Variants in MAP2K4 observed in about 807,000 individuals in gnomAD.
MAP2K4 encodes mitogen-activated protein kinase kinase 4, also known as dual specificity mitogen-activated protein kinase kinase 4.
MAP2K4 carries 4 observed loss-of-function variants against 48.5 expected under a neutral mutation model. The observed-to-expected ratio is 0.08, with a 90% CI of 0.04 to 0.19. The LOEUF (loss-of-function observed/expected upper bound fraction) is 0.19. MAP2K4 is among the 10% of genes least tolerant of loss of function. The probability of loss-of-function intolerance (pLI) is 1.00; values close to 1 mark genes in which losing one functional copy is unlikely to be tolerated. For missense variants in MAP2K4, 258 were observed against 493.3 expected, an observed-to-expected ratio of 0.52 and a Z score of 4.52; for synonymous variants, 166 against 173.1, an observed-to-expected ratio of 0.96 and a Z score of 0.32.
intron 9 of MAP2K4, among the ~76,000 whole-genome samples, chr17:12,133,258 G>T (rs1474105678): frequency 6.6e-6 from 1 of 152,034 alleles, no homozygotes; most frequent in Non-Finnish European, 1.5e-5. Flanking sequence ...ATTTATGTAT[G>T]TTTAATAGAG....
At chr17:12,032,325 G>A (rs1025121409) in intron 1 of MAP2K4, 2 of 1,254,528 alleles carry the variant, frequency 1.6e-6, no homozygotes, top group Non-Finnish European at 2.1e-6. Context: ...ATGATATTAT[G>A]CTATTTATTT....
chr17:12,113,497 G>A (rs1972376450), intron 7 of MAP2K4, 137 bp downstream of exon 7: 1 of 985,126 alleles, frequency 1.0e-6, no homozygotes, highest in South Asian at 2.4e-5. Flanking sequence ...CCAAGCTCAG[G>A]TCCTAGCCTC....
intron 2 of MAP2K4, among the ~76,000 whole-genome samples, chr17:12,070,079 G>T (rs548921260): frequency 6.6e-6 from 1 of 150,980 alleles, no homozygotes; most frequent in East Asian, 1.9e-4. Context: ...ATAGCATTGG[G>T]AAGAAATCAA....
chr17:12,030,718 C>T (rs1969410623), intron 1 of MAP2K4, among the ~76,000 whole-genome samples: 1 of 152,106 alleles, frequency 6.6e-6, no homozygotes. Flanking sequence ...AATTTGTTTT[C>T]TTGCTCCTTT....
intron 1 of MAP2K4, chr17:12,026,864 C>T (rs1197179819): frequency 2.0e-5 from 3 of 152,164 alleles, no homozygotes; most frequent in African/African-American, 7.2e-5. Flanking sequence ...ATGTTCTAAA[C>T]TTGCTGGAGG....
intron 1 of MAP2K4, among the ~76,000 whole-genome samples, chr17:12,054,060 G>C (rs530755915): frequency 1.3e-5 from 2 of 152,068 alleles, no homozygotes; most frequent in Non-Finnish European, 2.9e-5. Flanking sequence ...AAGACTTATT[G>C]ATATAGAAAG....
intron 3 of MAP2K4, among the ~76,000 whole-genome samples, chr17:12,089,123 A>G (rs1320936970): frequency 6.6e-6 from 1 of 152,030 alleles, no homozygotes; most frequent in East Asian, 1.9e-4. Context: ...CGTGTTAGCC[A>G]GGATGGTTTC....
chr17:12,036,763 A>G (rs1969612086), intron 1 of MAP2K4: 1 of 151,778 alleles, frequency 6.6e-6, no homozygotes, highest in Non-Finnish European at 1.5e-5. Flanking sequence ...GGGCATAGGA[A>G]TTTTCCTCAG....
chr17:12,102,378 T>C (rs1971963172), intron 4 of MAP2K4, among the ~76,000 whole-genome samples: 1 of 152,168 alleles, frequency 6.6e-6, no homozygotes, highest in Admixed American at 6.5e-5. Context: ...TAGGATGTTT[T>C]ATCTTTTTTA....
chr17:12,064,370 G>A (rs28921681), intron 2 of MAP2K4, among the ~76,000 whole-genome samples: 25,223 of 152,112 alleles, frequency 0.17, 2,462 homozygotes, highest in South Asian at 0.29. Flanking sequence ...GCATTGAGCC[G>A]CTGGGCCAGC....
chr17:12,113,061 A>G (rs938573426), intron 6 of MAP2K4, 172 bp from the exon 7 acceptor site: 10 of 505,436 alleles, frequency 2.0e-5, no homozygotes, highest in Non-Finnish European at 3.5e-5. Flanking sequence ...TGTTTAAAAC[A>G]TGAATAATTA....
chr17:12,110,495 G>A, intron 6 of MAP2K4, 69 bp downstream of exon 6: 1 of 1,061,452 alleles, frequency 9.4e-7, no homozygotes, highest in Non-Finnish European at 1.5e-6. Flanking sequence ...AACGGTTATT[G>A]AAAATTACAG....
intron 9 of MAP2K4, among the ~76,000 whole-genome samples, chr17:12,138,307 C>T (rs1240314823): frequency 6.6e-6 from 1 of 152,080 alleles, no homozygotes; most frequent in African/African-American, 2.4e-5. Flanking sequence ...TGACTACTAA[C>T]AAATAGCCTA....
chr17:12,115,021 G>A (rs188482747), intron 7 of MAP2K4, among the ~76,000 whole-genome samples: 1 of 152,232 alleles, frequency 6.6e-6, no homozygotes, highest in East Asian at 1.9e-4. Flanking sequence ...CTCAATCAAT[G>A]TTAATTTTAA....
chr17:12,074,032 A>G (rs1308076690), intron 2 of MAP2K4, among the ~76,000 whole-genome samples: 1 of 152,108 alleles, frequency 6.6e-6, no homozygotes, highest in African/African-American at 2.4e-5. Context: ...TCGGCCTCCC[A>G]AAGTGCGGGG....
At chr17:12,033,752 A>G (rs941601914) in intron 1 of MAP2K4, among the ~76,000 whole-genome samples, 1 of 152,204 alleles carries the variant, frequency 6.6e-6, no homozygotes, top group African/African-American at 2.4e-5. Context: ...TAGCATGACA[A>G]CGTTTAGCTT....
At chr17:12,055,469 CCTCTT>C (rs1160039741) in intron 2 of MAP2K4, among the ~76,000 whole-genome samples, 1 of 152,026 alleles carries the variant, frequency 6.6e-6, no homozygotes, top group Non-Finnish European at 1.5e-5. Flanking sequence ...TATTAAAAAA[CCTCTT>C]CTTATTTCCC....
chr17:12,079,319 G>A (rs557304685), intron 2 of MAP2K4, among the ~76,000 whole-genome samples: 3 of 152,220 alleles, frequency 2.0e-5, no homozygotes, highest in African/African-American at 7.2e-5. Context: ...TTTAAAATAA[G>A]ACATAATATT....
chr17:12,069,890 CATATATAT>C (rs56309746), intron 2 of MAP2K4: 19 of 182,990 alleles, frequency 1.0e-4, no homozygotes, highest in African/African-American at 1.5e-4. Context: ...GAAGATTAGT[CATATATAT>C]ATATATATAT....
Sources: allele counts gnomAD v4.1 joint callset (sites outside exome capture counted in the v4.1 genomes callset), GRCh38; gene constraint gnomAD v4.1.1; transcripts MANE v1.5; gene names NCBI Gene and HGNC (gene_info 2026-07-23, HGNC 2026-07-21).